PDK4: variants seen among roughly 807,000 people sequenced by gnomAD.
The protein encoded by PDK4 is pyruvate dehydrogenase kinase 4, also known as pyruvate dehydrogenase kinase, isozyme 4.
In PDK4, 43 loss-of-function variants were observed where a neutral mutation model predicts 51.7. The ratio of observed to expected loss-of-function variants is 0.83; its 90% CI spans 0.65 to 1.07. The LOEUF (loss-of-function observed/expected upper bound fraction) is 1.07, where lower values mean the gene tolerates loss of function less well. Ranked by LOEUF, PDK4 falls within the 50% of genes least tolerant of loss-of-function variation. PDK4 has a pLI of 0.00. For synonymous variants in PDK4, 170 were observed against 176.6 expected, an observed-to-expected ratio of 0.96 and a Z score of 0.30; for missense variants, 498 against 503.5, an observed-to-expected ratio of 0.99 and a Z score of 0.10.
intron 7 of PDK4, among the ~76,000 whole-genome samples, chr7:95,588,930 G>A (rs1308227784): frequency 2.0e-5 from 3 of 152,136 alleles, no homozygotes; most frequent in African/African-American, 7.2e-5. Context: ...AAATCTCTGG[G>A]GTAGAGCCCA....
Position 95,583,596 on chromosome 7 carries a change from T to C in PDK4, c.*2045A>G, listed in dbSNP as rs1791441633. On this transcript the variant is annotated 3_prime_UTR_variant, in exon 11 of 11. Transcript: ENST00000005178. ...ACAATGTATACATTAATAATTTAAG[T>C]GGGCCTGAGTATTCAGTATCCATCT... is the stretch of plus-strand genomic sequence containing the variant. The C allele has an allele frequency of 6.6e-6, 1 of 152,462 alleles. No individual in the cohort carries two copies. Among genetic ancestry groups the C allele is most frequent in the South Asian group, 2.1e-4 (1 of 4,832 alleles). 9.4% of individuals were successfully genotyped at this position (152,462 alleles called of 1,614,324 possible).
chr7:95,594,724 TG>T (rs1452532442), intron 2 of PDK4: 1 of 184,344 alleles, frequency 5.4e-6, no homozygotes, highest in Non-Finnish European at 1.1e-5. Flanking sequence ...CTTTTATTAT[TG>T]AAAGTGCTCT....
chr7:95,589,059 A>C (rs1282604132), intron 7 of PDK4, among the ~76,000 whole-genome samples: 3 of 152,208 alleles, frequency 2.0e-5, no homozygotes, highest in Non-Finnish European at 4.4e-5. Flanking sequence ...ATCACCCCTT[A>C]GCTTATTCAA....
At position 95,585,797 on chromosome 7, in the gene PDK4, G is replaced by A; in HGVS notation, c.1096-16C>T. ...AAGACAAAGCCTAAAAGAAAAGGGGGGAAAAACATGAGACCAAAGAAATTA... is the reference window on the plus strand; with the variant it reads ...AAGACAAAGCCTAAAAGAAAAGGGGAGAAAAACATGAGACCAAAGAAATTA... On this transcript the variant is annotated splice_polypyrimidine_tract_variant and intron_variant, in intron 10 of 10. Transcript: ENST00000005178. 6 of 1,567,218 alleles carry A rather than the reference G, an allele frequency of 3.8e-6. No homozygotes were observed. Among genetic ancestry groups the A allele is most frequent in the South Asian group, 1.2e-5 (1 of 85,338 alleles).
At chr7:95,594,033 G>T (rs1203833598) in intron 2 of PDK4, among the ~76,000 whole-genome samples, 1 of 151,936 alleles carries the variant, frequency 6.6e-6, no homozygotes, top group Non-Finnish European at 1.5e-5. Context: ...TGTTTTGTTT[G>T]GCAAATATTT....
In PDK4 at chr7:95,596,152, GT is replaced by G. The variant is rs759162365; in HGVS notation, c.130+11del. ...CCCTAGGACCCAGCTTGGGCCCTGT[GT>G]CCCCTCTCACCAAAGTCCAGTAGCT... On this transcript the variant is annotated intron_variant, in intron 1 of 10. Transcript: ENST00000005178. 3.3e-5 allele frequency: 53 copies of G among 1,598,606 alleles called. No homozygotes were observed. In the African/African-American group the frequency reaches 6.7e-4, roughly 20 times the overall value.
intron 9 of PDK4, 119 bp from the exon 10 acceptor site, chr7:95,587,242 C>T (rs1791495025): frequency 2.8e-6 from 2 of 716,762 alleles, no homozygotes; most frequent in Admixed American, 5.0e-5. Flanking sequence ...ATATCTTCTA[C>T]TTCCAATCAG....
chr7:95,587,147 G>A (rs1489530403), intron 9 of PDK4, 24 bp from the exon 10 acceptor site: 9 of 1,329,026 alleles, frequency 6.8e-6, no homozygotes, highest in Middle Eastern at 3.7e-4. Context: ...ACGTTATCAG[G>A]TAAAGAAGTG....
Position 95,595,064 on chromosome 7 carries a change from G to A in PDK4, c.231C>T (p.Thr77=), listed in dbSNP as rs1054906812. The A allele has an allele frequency of 1.9e-6, 3 of 1,611,630 alleles. No individual in the cohort carries two copies. Among genetic ancestry groups the A allele is most frequent in the Non-Finnish European group, 2.5e-6 (3 of 1,178,076 alleles). The change falls in exon 2 of 11, where the codon ACC becomes ACT. Residue 77 remains threonine (T), a synonymous_variant. Coordinates refer to ENST00000005178, the MANE Select transcript of PDK4 (RefSeq NM_002612.4). ...NILKEIDILP[T]QLVNTSSVQL... ...GCACTGAAGAGGTATTTACTAATTGGGTCGGGAGGATATCAATTTCCTTCA... is the reference window on the plus strand; with the variant it reads ...GCACTGAAGAGGTATTTACTAATTGAGTCGGGAGGATATCAATTTCCTTCA...
rs1435622672 is a variant in PDK4 at position 95,587,809 on chromosome 7, G to A, written c.788C>T (p.Thr263Ile). 6.2e-7 allele frequency: 1 copy of A among 1,611,674 alleles called. No individual in the cohort carries two copies. The highest frequency in any genetic ancestry group is 1.7e-5 in the Admixed American group (1 of 60,006). ...AGGCTGATTTTCCTGGTGTTCAACTGTTGCCCGCATTGCATTCTAAAACAA... is the reference window on the plus strand; with the variant it reads ...AGGCTGATTTTCCTGGTGTTCAACTATTGCCCGCATTGCATTCTAAAACAA... ...FELFKNAMRA[T>I]VEHQENQPSL... Residue 263 changes from threonine to isoleucine, a missense_variant, in exon 8 of 11, where the codon ACA (threonine) becomes ATA (isoleucine). Coordinates refer to ENST00000005178, the MANE Select transcript of PDK4 (RefSeq NM_002612.4).
At chr7:95,591,784 A>C (rs1186131632) in intron 6 of PDK4, among the ~76,000 whole-genome samples, 1 of 152,162 alleles carries the variant, frequency 6.6e-6, no homozygotes, top group Non-Finnish European at 1.5e-5. Flanking sequence ...CTTCTTTATG[A>C]ATCCTCATTA....
intron 2 of PDK4, 133 bp from the exon 3 acceptor site, chr7:95,593,903 G>T (rs1791583506): frequency 2.4e-6 from 1 of 423,796 alleles, no homozygotes; most frequent in Non-Finnish European, 4.2e-6. Context: ...CTTTCCTCCA[G>T]AACATTTGGA....
intron 7 of PDK4, among the ~76,000 whole-genome samples, chr7:95,588,961 C>T (rs1441622145): frequency 6.6e-6 from 1 of 152,166 alleles, no homozygotes; most frequent in Non-Finnish European, 1.5e-5. Flanking sequence ...TTTTAACATG[C>T]CCTGCAGGCG....
In PDK4 at chr7:95,595,165, C is replaced by G. The variant is rs745466754; in HGVS notation, c.131-1G>C. Reference sequence around the variant, plus strand: ...GTTCTTTCACATGCATTTTCTGAACCTATAATAAATGAAATCAATTTAGTT... The same window carrying G: ...GTTCTTTCACATGCATTTTCTGAACGTATAATAAATGAAATCAATTTAGTT... On this transcript the variant is annotated splice_acceptor_variant, in intron 1 of 10. Coordinates refer to ENST00000005178, the MANE Select transcript of PDK4 (RefSeq NM_002612.4). LOFTEE classifies it high-confidence loss of function. 34 of 1,607,768 alleles carry G rather than the reference C, an allele frequency of 2.1e-5. No homozygotes were observed. Among genetic ancestry groups the G allele is most frequent in the Non-Finnish European group, 2.6e-5 (31 of 1,175,086 alleles).
rs924572273 is a variant in PDK4, at chr7:95,589,520, G to A, written c.771+120C>T. 5.1e-6 allele frequency: 3 copies of A among 589,994 alleles called. No individual in the cohort carries two copies. The African/African-American group carries it at 5.6e-5, about 11-fold the overall frequency. 36.5% of individuals were successfully genotyped at this position (589,994 alleles called of 1,614,324 possible). A position where few individuals can be genotyped will look rare whatever the true frequency, so the allele number is the denominator to read the frequency against. On this transcript the variant is annotated intron_variant, in intron 7 of 10. Coordinates refer to ENST00000005178, the MANE Select transcript of PDK4 (RefSeq NM_002612.4). ...TAGTTTCTTTCTCTTAGGAGGACTAGAAGCATTCTTGGGAAAAGATATTGA... is the reference window on the plus strand; with the variant it reads ...TAGTTTCTTTCTCTTAGGAGGACTAAAAGCATTCTTGGGAAAAGATATTGA...
chr7:95,594,943 TA>T (rs1281379752), intron 2 of PDK4, 79 bp downstream of exon 2: 1 of 901,216 alleles, frequency 1.1e-6, no homozygotes, highest in African/African-American at 1.7e-5. Flanking sequence ...GTTTTCCAAT[TA>T]TGATGTTAAC....
intron 6 of PDK4, 58 bp downstream of exon 6, chr7:95,591,930 A>C: frequency 1.1e-6 from 1 of 877,444 alleles, no homozygotes; most frequent in Non-Finnish European, 1.8e-6. Context: ...AAAAAGCAAT[A>C]ATATTAGGAG....
intron 6 of PDK4, among the ~76,000 whole-genome samples, chr7:95,590,972 C>G (rs1791546121): frequency 6.6e-6 from 1 of 152,208 alleles, no homozygotes; most frequent in Non-Finnish European, 1.5e-5. Flanking sequence ...GGGTCTCACT[C>G]TGTCACTTGG....
Position 95,592,783 on chromosome 7 carries a change from G to A in PDK4, c.506C>T (p.Thr169Ile). 1.9e-6 allele frequency: 3 copies of A among 1,612,650 alleles called. No homozygotes were observed. Among genetic ancestry groups the A allele is most frequent in the East Asian group, 2.2e-5 (1 of 44,832 alleles). The change falls in exon 4 of 11, where the codon ACT becomes ATT. Residue 169 changes from threonine to isoleucine, a missense_variant. By Grantham distance (89) the Thr-to-Ile change is moderately conservative. Coordinates refer to ENST00000005178, the MANE Select transcript of PDK4 (RefSeq NM_002612.4). ...ACTGTGCTGGTTCATCAGCATCCGAGTAGAAATACGGTTCATGTAAAATCG... is the reference window on the plus strand; with the variant it reads ...ACTGTGCTGGTTCATCAGCATCCGAATAGAAATACGGTTCATGTAAAATCG... ...LDRFYMNRIS[T>I]RMLMNQHILI...
Sources: allele counts gnomAD v4.1 joint callset (sites outside exome capture counted in the v4.1 genomes callset), GRCh38; gene constraint gnomAD v4.1.1; transcripts MANE v1.5; gene names NCBI Gene and HGNC (gene_info 2026-07-23, HGNC 2026-07-21).